SAMD14: variants seen among roughly 807,000 people sequenced by gnomAD.
SAMD14 encodes the protein sterile alpha motif domain-containing protein 14.
In SAMD14, 27 loss-of-function variants were observed where a neutral mutation model predicts 46.2. That is an observed-to-expected ratio of 0.58 (90% CI 0.43 to 0.81). The LOEUF (loss-of-function observed/expected upper bound fraction) is 0.81. Ranked by LOEUF, SAMD14 falls within the 30% of genes least tolerant of loss-of-function variation. The probability of loss-of-function intolerance (pLI) is 0.00; values close to 1 mark genes in which losing one functional copy is unlikely to be tolerated. For missense variants in SAMD14, 559 were observed against 582.2 expected, an observed-to-expected ratio of 0.96 and a Z score of 0.41; for synonymous variants, 241 against 254.3, an observed-to-expected ratio of 0.95 and a Z score of 0.50.
rs1911942181 is a variant in SAMD14 at position 50,129,628 on chromosome 17, G to T, written c.-124C>A. On this transcript the variant is annotated 5_prime_UTR_variant, in exon 1 of 10. Coordinates refer to ENST00000330175, the MANE Select transcript of SAMD14 (RefSeq NM_001257359.2). This position sits in a 1 kb window ranked among gnomAD's most constrained non-coding sequence, Gnocchi z 5.6. ...GTGGGGGGACCGTCACCCCGGCCGC[G>T]GGGGGCTCCGGGCGGGCTCGAGCCG... 6.6e-6 allele frequency: 1 copy of T among 151,866 alleles called. No individual in the cohort carries two copies. The highest frequency in any genetic ancestry group is 1.5e-5 in the Non-Finnish European group (1 of 67,896). The allele number at this position is 151,866 out of a possible 1,614,324, so 9.4% of individuals were successfully genotyped here.
In SAMD14 at chr17:50,114,004, G is replaced by C. The variant is rs1165767334; in HGVS notation, c.1018C>G (p.Leu340Val). 1 of 1,613,722 alleles carries C rather than the reference G, an allele frequency of 6.2e-7. No homozygotes were observed. Reference sequence around the variant, plus strand: ...GCAAACTCAGCAGCATACTGTTCCAGGTTGAGGCTCTGCAGCCACTGGCCC... The same window carrying C: ...GCAAACTCAGCAGCATACTGTTCCACGTTGAGGCTCTGCAGCCACTGGCCC... ...QVGQWLQSLN[L>V]EQYAAEFAAR... Residue 340 changes from leucine to valine, a missense_variant, in exon 9 of 10, where the codon CTG becomes GTG. Leu to Val is a conservative substitution (Grantham distance 32). Coordinates refer to ENST00000330175, the MANE Select transcript of SAMD14 (RefSeq NM_001257359.2).
At chr17:50,117,808 G>A (rs2144401419) in intron 3 of SAMD14, 113 bp from the exon 4 acceptor site, 1 of 1,172,000 alleles carries the variant, frequency 8.5e-7, no homozygotes. Context: ...GGGCCTAGAG[G>A]GAGGGTTTCC....
chr17:50,125,494 T>C (rs1039776819), intron 1 of SAMD14: 2 of 167,668 alleles, frequency 1.2e-5, no homozygotes, highest in Non-Finnish European at 2.6e-5. Context: ...GGTTCTACCA[T>C]CCGTCTACCC....
chr17:50,124,041 A>AC (rs758355566), intron 2 of SAMD14: 1 of 455,136 alleles, frequency 2.2e-6, no homozygotes, highest in South Asian at 1.5e-5. Flanking sequence ...GAAGCTGGGG[A>AC]CCCTCTGGCA....
At chr17:50,119,813 T>G (rs1225909663) in intron 2 of SAMD14, among the ~76,000 whole-genome samples, 2 of 152,174 alleles carry the variant, frequency 1.3e-5, no homozygotes, top group East Asian at 3.9e-4. Flanking sequence ...TCCACTTTGA[T>G]GTCCACCAGG....
intron 2 of SAMD14, among the ~76,000 whole-genome samples, chr17:50,122,425 C>G (rs564811993): frequency 1.3e-5 from 2 of 152,154 alleles, no homozygotes; most frequent in Non-Finnish European, 2.9e-5. Flanking sequence ...TGATGAAGGT[C>G]ACCTCCATGC....
chr17:50,110,074 A>C lies in SAMD14; in HGVS notation c.*2819T>G. ...TGTGCCCAGCACGGAGCCCAAGAACACGTCCACGTACCGCGTCAGCTAAGG... is the reference window on the plus strand; with the variant it reads ...TGTGCCCAGCACGGAGCCCAAGAACCCGTCCACGTACCGCGTCAGCTAAGG... On this transcript the variant is annotated 3_prime_UTR_variant, in exon 10 of 10. Coordinates refer to ENST00000330175, the MANE Select transcript of SAMD14 (RefSeq NM_001257359.2). The C allele has an allele frequency of 6.2e-7, 1 of 1,609,608 alleles. No homozygotes were observed. The highest frequency in any genetic ancestry group is 1.1e-5 in the South Asian group (1 of 90,428).
intron 9 of SAMD14, 139 bp from the exon 10 acceptor site, chr17:50,113,187 C>T (rs143373431): frequency 2.0e-5 from 18 of 918,764 alleles, no homozygotes; most frequent in Middle Eastern, 5.1e-4. Context: ...CCTCCCACAC[C>T]GTGACCTGCC....
At chr17:50,114,665 A>G (rs776298810) in intron 7 of SAMD14, 6 of 507,608 alleles carry the variant, frequency 1.2e-5, no homozygotes, top group Non-Finnish European at 2.1e-5. Flanking sequence ...ACCCCAGCTA[A>G]TAAGTGCCTG....
chr17:50,114,622 G>T, intron 7 of SAMD14: 1 of 602,438 alleles, frequency 1.7e-6, no homozygotes, highest in Non-Finnish European at 2.9e-6. Flanking sequence ...TGGGTCAGGT[G>T]TCTCTGCTAT....
chr17:50,128,741 T>G (rs1911897081), intron 1 of SAMD14, among the ~76,000 whole-genome samples: 1 of 145,162 alleles, frequency 6.9e-6, no homozygotes. Flanking sequence ...CGGAAGGAAG[T>G]GAGGAGTAGG....
At position 50,115,615 on chromosome 17, in the gene SAMD14, G is replaced by A. The variant is rs138319680; in HGVS notation, c.771C>T (p.Pro257=). 1.3e-6 allele frequency: 2 copies of A among 1,599,494 alleles called. No homozygotes were observed. Among genetic ancestry groups the A allele is most frequent in the Non-Finnish European group, 1.7e-6 (2 of 1,171,144 alleles). Residue 257 remains proline (P), a synonymous_variant, in exon 7 of 10, where the codon CCC becomes CCT. Transcript: ENST00000330175. This position sits in a 1 kb window ranked among gnomAD's most constrained non-coding sequence, Gnocchi z 5.3. ...GSASSGSTTS[P]TCSPKHEGFS... Reference sequence around the variant, plus strand: ...AGCCCTCGTGTTTAGGGGAGCAGGTGGGGGAGGTGGTGCTACCCGAGGATG... The same window carrying A: ...AGCCCTCGTGTTTAGGGGAGCAGGTAGGGGAGGTGGTGCTACCCGAGGATG...
chr17:50,124,277 C>T, intron 2 of SAMD14: 1 of 426,760 alleles, frequency 2.3e-6, no homozygotes, highest in Non-Finnish European at 4.8e-6. Flanking sequence ...TGCATGCACC[C>T]CAGTGTGTAC....
At chr17:50,121,024 C>T (rs1911475967) in intron 2 of SAMD14, among the ~76,000 whole-genome samples, 1 of 152,224 alleles carries the variant, frequency 6.6e-6, no homozygotes, top group Non-Finnish European at 1.5e-5. Flanking sequence ...GTTCACTGCT[C>T]TACCACAGGC....
intron 2 of SAMD14, among the ~76,000 whole-genome samples, chr17:50,121,912 T>C (rs1251395840): frequency 5.3e-5 from 8 of 152,224 alleles, no homozygotes; most frequent in Non-Finnish European, 1.0e-4. Flanking sequence ...TAAAATGGGA[T>C]TATACTAGCA....
At chr17:50,124,843 A>G in intron 2 of SAMD14, 74 bp downstream of exon 2, 2 of 1,448,192 alleles carry the variant, frequency 1.4e-6, no homozygotes, top group Non-Finnish European at 1.9e-6. Context: ...ATCCCCTTCA[A>G]TGCCTGGTGG....
Position 50,114,058 on chromosome 17 carries a change from G to C in SAMD14, c.964C>G (p.Pro322Ala), listed in dbSNP as rs115327972. 1.3e-4 allele frequency: 212 copies of C among 1,613,646 alleles called. No homozygotes were observed. Among genetic ancestry groups the C allele is most frequent in the South Asian group, 4.6e-4 (42 of 91,072 alleles). Reference sequence around the variant, plus strand: ...TGCTGGCTGGTCCAGTGGTGGACAGGGGGGAGGGGTTCATCCAGGAACTGG... The same window carrying C: ...TGCTGGCTGGTCCAGTGGTGGACAGCGGGGAGGGGTTCATCCAGGAACTGG... The part of the protein sequence containing the change: ...SDEFLDEPLP[P>A]VHHWTSQQVG... The change falls in exon 9 of 10, where the codon CCT becomes GCT. Residue 322 changes from proline to alanine, a missense_variant. Pro to Ala is a conservative substitution (Grantham distance 27, BLOSUM62 -1). Transcript: ENST00000330175.
chr17:50,113,133 T>C (rs1910956365), intron 9 of SAMD14, 85 bp from the exon 10 acceptor site: 10 of 1,512,838 alleles, frequency 6.6e-6, no homozygotes, highest in Non-Finnish European at 8.0e-6. Flanking sequence ...TTGCCCCAGG[T>C]GTACTCTGTG....
chr17:50,117,455 A>C lies in SAMD14; in HGVS notation c.451T>G (p.Ser151Ala). 1 of 1,369,450 alleles carries C rather than the reference A, an allele frequency of 7.3e-7. No individual in the cohort carries two copies. Among genetic ancestry groups the C allele is most frequent in the East Asian group, 3.0e-5 (1 of 33,056 alleles). 84.8% of individuals were successfully genotyped at this position (1,369,450 alleles called of 1,614,324 possible). ...PPRSAPSSDS[S>A]PSFVRRHPRA... ...GGGTGGCGGCGCACGAAGCTGGGGGAGCTGTCGGAGGAGGGCGCGGAGCGC... is the reference window on the plus strand; with the variant it reads ...GGGTGGCGGCGCACGAAGCTGGGGGCGCTGTCGGAGGAGGGCGCGGAGCGC... The change falls in exon 4 of 10, where the codon TCC becomes GCC. Residue 151 changes from serine to alanine, a missense_variant. Coordinates refer to ENST00000330175, the MANE Select transcript of SAMD14 (RefSeq NM_001257359.2).
Sources: allele counts gnomAD v4.1 joint callset (sites outside exome capture counted in the v4.1 genomes callset), GRCh38; gene constraint gnomAD v4.1.1; non-coding constraint Gnocchi (gnomAD v3.1); transcripts MANE v1.5; gene names NCBI Gene and HGNC (gene_info 2026-07-23, HGNC 2026-07-21).